Variants in SPATS2L observed in about 807,000 individuals in gnomAD.
SPATS2L encodes SPATS2-like protein.
Under a neutral mutation model 59.6 loss-of-function variants are expected in SPATS2L, and 30 were observed. The ratio of observed to expected loss-of-function variants is 0.50; its 90% CI spans 0.38 to 0.68. The LOEUF (loss-of-function observed/expected upper bound fraction) is 0.68, where lower values mean the gene tolerates loss of function less well. Among genes scored for constraint, SPATS2L ranks in the 30% least tolerant of loss-of-function variants. The pLI is 0.00. For synonymous variants in SPATS2L, 252 were observed against 263.5 expected (o/e 0.96, Z 0.42); for missense variants, 615 against 700.0 (o/e 0.88, Z 1.37).
intron 8 of SPATS2L, among the ~76,000 whole-genome samples, chr2:200,445,510 A>T (rs1411699722): frequency 2.6e-5 from 4 of 152,176 alleles, no homozygotes; most frequent in African/African-American, 9.7e-5. Flanking sequence ...GTCACCATTG[A>T]CACTTTAAAT....
At chr2:200,315,214 G>T (rs1559032577) in intron 1 of SPATS2L, among the ~76,000 whole-genome samples, 2 of 152,216 alleles carry the variant, frequency 1.3e-5, no homozygotes, top group Admixed American at 6.5e-5. Context: ...CAGTCCAGAG[G>T]TATGAAATGT....
At chr2:200,319,501 G>T (rs570006190) in intron 1 of SPATS2L, among the ~76,000 whole-genome samples, 2 of 149,520 alleles carry the variant, frequency 1.3e-5, no homozygotes, top group Admixed American at 6.7e-5. Flanking sequence ...AAAGGTGGAG[G>T]TTGCAGTGAG....
chr2:200,378,278 A>G, intron 2 of SPATS2L: 1 of 1,002,572 alleles, frequency 1.0e-6, no homozygotes, highest in Non-Finnish European at 1.2e-6. Flanking sequence ...AAAGGTGGCC[A>G]GTGGGGGAAC....
intron 2 of SPATS2L, among the ~76,000 whole-genome samples, chr2:200,374,490 T>C (rs2081534744): frequency 6.6e-6 from 1 of 152,094 alleles, no homozygotes; most frequent in African/African-American, 2.4e-5. Context: ...GTTACATTCT[T>C]ATTTCTCTTG....
At chr2:200,308,624 TAC>T (rs35193445) in intron 1 of SPATS2L, among the ~76,000 whole-genome samples, 126 of 148,672 alleles carry the variant, frequency 8.5e-4, no homozygotes, top group South Asian at 2.7e-3. Context: ...TGGCTTTAAA[TAC>T]ACACACACAC....
intron 3 of SPATS2L, among the ~76,000 whole-genome samples, chr2:200,394,244 C>G (rs141493354): frequency 6.6e-6 from 1 of 152,174 alleles, no homozygotes; most frequent in Admixed American, 6.5e-5. Context: ...TATCCACTGC[C>G]GCATCTCCAC....
chr2:200,479,597 G>T lies in SPATS2L; in HGVS notation c.*1566G>T. On this transcript the variant is annotated 3_prime_UTR_variant, in exon 13 of 13. Coordinates refer to ENST00000409140, the MANE Select transcript of SPATS2L (RefSeq NM_001100423.2). ...TACCCAATGGCCCAAACCCAAAATA[G>T]CCCCAGTTCCCCTAACTTTGACTAC... is the stretch of plus-strand genomic sequence containing the variant. 2.5e-6 allele frequency: 1 copy of T among 398,596 alleles called. No individual in the cohort carries two copies. The highest frequency in any genetic ancestry group is 4.4e-6 in the Non-Finnish European group (1 of 226,066). The allele number at this position is 398,596 out of a possible 1,614,324, so 24.7% of individuals were successfully genotyped here. A position where few individuals can be genotyped will look rare whatever the true frequency, so the allele number is the denominator to read the frequency against.
At chr2:200,442,755 G>A (rs2084781289) in intron 8 of SPATS2L, among the ~76,000 whole-genome samples, 1 of 152,142 alleles carries the variant, frequency 6.6e-6, no homozygotes, top group South Asian at 2.1e-4. Context: ...GACATCTTGA[G>A]ATTTATAACA....
chr2:200,401,952 C>T (rs1226181536), intron 3 of SPATS2L, among the ~76,000 whole-genome samples: 1 of 152,130 alleles, frequency 6.6e-6, no homozygotes, highest in Admixed American at 6.6e-5. Context: ...GTAAAGCTAC[C>T]ACCACTGGTC....
chr2:200,334,138 A>G (rs553764462), intron 2 of SPATS2L, among the ~76,000 whole-genome samples: 8 of 152,064 alleles, frequency 5.3e-5, no homozygotes, highest in East Asian at 1.9e-4. Context: ...AAGTGTTCCT[A>G]TTTCTCCACA....
At position 200,380,383 on chromosome 2, in the gene SPATS2L, C is replaced by T. The variant is rs138575792; in HGVS notation, c.-22-8840C>T. Among the ~76,000 whole-genome samples, 488 of 152,268 alleles carry T rather than the reference C, an allele frequency of 3.2e-3. 3 individuals are homozygous for T. The highest frequency in any genetic ancestry group is 0.011 in the African/African-American group (447 of 41,540). Reference sequence around the variant, plus strand: ...TACGTGCAGCATATACAACAGTGTGCGCCACGCAGATGACTCTGCCTGCCA... The same window carrying T: ...TACGTGCAGCATATACAACAGTGTGTGCCACGCAGATGACTCTGCCTGCCA... On this transcript the variant is annotated intron_variant, in intron 2 of 12. Coordinates refer to ENST00000409140, the MANE Select transcript of SPATS2L (RefSeq NM_001100423.2).
chr2:200,426,150 G>A (rs1574482488), intron 6 of SPATS2L, among the ~76,000 whole-genome samples: 1 of 141,642 alleles, frequency 7.1e-6, no homozygotes, highest in African/African-American at 2.6e-5. Flanking sequence ...GAGTGCAGTG[G>A]CGCGATCTCA....
intron 1 of SPATS2L, among the ~76,000 whole-genome samples, chr2:200,318,435 C>A (rs1172664260): frequency 1.3e-5 from 2 of 152,128 alleles, no homozygotes; most frequent in African/African-American, 2.4e-5. Flanking sequence ...AAATCTACGT[C>A]CTCAAAAATT....
Position 200,479,906 on chromosome 2 carries a change from G to A in SPATS2L, c.*1875G>A, listed in dbSNP as rs1024533046. On this transcript the variant is annotated 3_prime_UTR_variant, in exon 13 of 13. Transcript: ENST00000409140. The stretch of plus-strand genomic sequence containing the variant: ...CAGAGATTTAATAGAAATTCTTAAC[G>A]TTAAGTCACATTCCAGGAAGGAAGG... 4.3e-5 allele frequency: 17 copies of A among 396,732 alleles called. No homozygotes were observed. The highest frequency in any genetic ancestry group is 2.6e-4 in the Admixed American group (6 of 22,678). The allele number at this position is 396,732 out of a possible 1,614,324, so 24.6% of individuals were successfully genotyped here. A position where few individuals can be genotyped will look rare whatever the true frequency, so the allele number is the denominator to read the frequency against.
chr2:200,328,636 A>G (rs1023798611), intron 1 of SPATS2L, among the ~76,000 whole-genome samples: 45 of 152,128 alleles, frequency 3.0e-4, no homozygotes, highest in African/African-American at 1.0e-3. Flanking sequence ...GTGGAGGTCA[A>G]TCTTCTGAGT....
At chr2:200,388,180 A>C (rs914521697) in intron 2 of SPATS2L, among the ~76,000 whole-genome samples, 4 of 152,150 alleles carry the variant, frequency 2.6e-5, no homozygotes, top group African/African-American at 9.7e-5. Context: ...AACAAATTTA[A>C]AACTGTTATA....
At position 200,407,162 on chromosome 2, in the gene SPATS2L, CTT is replaced by C. The variant is rs1408725850; in HGVS notation, c.40-5147_40-5146del. ...TATATGCCAAATTCTATATGAAACACTTTACAGGCATCATCCCTTTCCATTTT... is the reference window on the plus strand; with the variant it reads ...TATATGCCAAATTCTATATGAAACACTACAGGCATCATCCCTTTCCATTTT... On this transcript the variant is annotated intron_variant, in intron 3 of 12. Transcript: ENST00000409140. Among the ~76,000 whole-genome samples the C allele has an allele frequency of 3.3e-5, 5 of 151,878 alleles. No homozygotes were observed. The East Asian group carries it at 9.6e-4, about 29-fold the overall frequency.
intron 2 of SPATS2L, among the ~76,000 whole-genome samples, chr2:200,345,676 T>G (rs1294276437): frequency 1.7e-4 from 26 of 152,334 alleles, no homozygotes; most frequent in Non-Finnish European, 1.9e-4. Context: ...CAAGTGATGA[T>G]CATGTATTAT....
intron 2 of SPATS2L, among the ~76,000 whole-genome samples, chr2:200,369,398 A>T (rs2081358115): frequency 6.6e-6 from 1 of 152,160 alleles, no homozygotes; most frequent in South Asian, 2.1e-4. Context: ...ACCTTAAGTG[A>T]TCCGCCCACC....
Sources: allele counts gnomAD v4.1 joint callset (sites outside exome capture counted in the v4.1 genomes callset), GRCh38; gene constraint gnomAD v4.1.1; transcripts MANE v1.5; gene names NCBI Gene and HGNC (gene_info 2026-07-23, HGNC 2026-07-21).